The following TBX1 variants were observed in gnomAD, a reference collection of about 807,000 sequenced individuals.
The protein encoded by TBX1 is T-box transcription factor 1.
Under a neutral mutation model 40.8 loss-of-function variants are expected in TBX1, and 16 were observed. The ratio of observed to expected loss-of-function variants is 0.39; its 90% confidence interval spans 0.27 to 0.60. The LOEUF is 0.60. Among genes scored for constraint, TBX1 ranks in the 20% least tolerant of loss-of-function variants. The probability of loss-of-function intolerance (pLI) is 0.51; values close to 1 mark genes in which losing one functional copy is unlikely to be tolerated. For missense variants in TBX1, 755 were observed against 728.5 expected (o/e 1.04, Z -0.42); for synonymous variants, 403 against 336.8 (o/e 1.20, Z -2.15).
chr22:19,766,722 C>G lies in TBX1; in HGVS notation c.1370C>G (p.Pro457Arg), dbSNP rs1252623993. Residue 457 changes from proline to arginine, a missense_variant, in exon 7 of 7, where the codon CCG (proline) becomes CGG (arginine). Pro to Arg is a moderately radical substitution (Grantham distance 103). Around this residue, in one of 3 missense-constraint regions of TBX1, gnomAD observed 412 missense variants for 317.6 expected, o/e 1.30. Transcript: ENST00000649276. ...LPGLRGHGYH[P>R]HAHPHHHHHP... The stretch of plus-strand genomic sequence containing the variant: ...GGCCTGCGTGGCCACGGCTACCACC[C>G]GCACGCGCATCCGCACCACCACCAC... The G allele has an allele frequency of 1.3e-6, 2 of 1,543,036 alleles. No homozygotes were observed. Among genetic ancestry groups the G allele is most frequent in the Admixed American group, 1.8e-5 (1 of 54,320 alleles).
At chr22:19,763,577 T>A (rs1936737326) in intron 2 of TBX1, 1 of 567,996 alleles carries the variant, frequency 1.8e-6, no homozygotes, top group African/African-American at 1.9e-5. Flanking sequence ...CAGCTCTTGC[T>A]CCCCTGGGCT....
upstream of TBX1, chr22:19,759,560 G>A (rs1424894874): frequency 4.6e-5 from 72 of 1,581,582 alleles, no homozygotes; most frequent in East Asian, 1.6e-3. Context: ...GGTTGCAGCG[G>A]AGGCGGCGGA....
chr22:19,783,263 C>T (rs28605486), downstream of TBX1: 3,137 of 524,042 alleles, frequency 6.0e-3, 71 homozygotes, highest in African/African-American at 0.054. Flanking sequence ...GAGATAATGG[C>T]ACCAGGATGA....
intron 3 of TBX1, 60 bp downstream of exon 3, chr22:19,764,386 G>A (rs950624468): frequency 6.9e-6 from 11 of 1,596,782 alleles, no homozygotes; most frequent in Middle Eastern, 1.7e-4. Context: ...CGAGGCACCC[G>A]CCTGTCCCTA....
chr22:19,767,464 C>T (rs1013580034), downstream of TBX1: 14 of 884,140 alleles, frequency 1.6e-5, no homozygotes, highest in East Asian at 1.2e-4. Flanking sequence ...AGGTCGGTCC[C>T]GGTCCCACAG....
intron 6 of TBX1, 169 bp from the exon 7 acceptor site, chr22:19,766,220 G>A (rs1284737515): frequency 2.9e-6 from 3 of 1,038,482 alleles, no homozygotes; most frequent in Non-Finnish European, 2.4e-6. Context: ...GCGGGCCCCG[G>A]GGAGGGCTCG....
At chr22:19,768,338 T>G (rs1936925221), downstream of TBX1, among the ~76,000 whole-genome samples, 1 of 152,164 alleles carries the variant, frequency 6.6e-6, no homozygotes, top group Non-Finnish European at 1.5e-5. Flanking sequence ...GACCTGTTTT[T>G]CGTATACATG....
At chr22:19,781,785 T>C (rs1166526660), downstream of TBX1, among the ~76,000 whole-genome samples, 1 of 152,208 alleles carries the variant, frequency 6.6e-6, no homozygotes, top group African/African-American at 2.4e-5. Context: ...CATCATTTGT[T>C]AAAAAGACAG....
chr22:19,760,559 C>A (rs1241216547), upstream of TBX1, among the ~76,000 whole-genome samples: 1 of 137,382 alleles, frequency 7.3e-6, no homozygotes, highest in Admixed American at 7.1e-5. Flanking sequence ...CCGGTCCGGG[C>A]GGTCGGGGGG....
downstream of TBX1, among the ~76,000 whole-genome samples, chr22:19,768,242 C>T (rs968032819): frequency 6.6e-6 from 1 of 152,212 alleles, no homozygotes; most frequent in Non-Finnish European, 1.5e-5. Context: ...CTAGGCCACT[C>T]GGCTCATCAC....
rs1393720188 is a variant in TBX1, at chr22:19,766,059, C to A, written c.1036+57C>A. Reference sequence around the variant, plus strand: ...GCCCTGTGCGCGCTCTACCCCGGGCCGGCGGCCTCGCCCGACCTCGCCTGC... The same window carrying A: ...GCCCTGTGCGCGCTCTACCCCGGGCAGGCGGCCTCGCCCGACCTCGCCTGC... On this transcript the variant is annotated intron_variant, in intron 6 of 6. Coordinates refer to ENST00000649276, the MANE Select transcript of TBX1 (RefSeq NM_001379200.1). 6 of 1,374,098 alleles carry A rather than the reference C, an allele frequency of 4.4e-6. No homozygotes were observed. The East Asian group carries it at 1.9e-4, about 44-fold the overall frequency. 85.1% of individuals were successfully genotyped at this position (1,374,098 alleles called of 1,614,324 possible). A position where few individuals can be genotyped will look rare whatever the true frequency, so the allele number is the denominator to read the frequency against.
chr22:19,772,597 T>C (rs1463551807), intron 8 of TBX1, among the ~76,000 whole-genome samples: 5 of 152,240 alleles, frequency 3.3e-5, no homozygotes, highest in Non-Finnish European at 7.3e-5. Context: ...ATTACAAGCG[T>C]GAGCCACCGT....
chr22:19,760,747 G>C (rs1936626171), upstream of TBX1, among the ~76,000 whole-genome samples: 1 of 141,058 alleles, frequency 7.1e-6, no homozygotes. Flanking sequence ...GGGGCTGCAC[G>C]GCCCGGGGCG....
intron 8 of TBX1, among the ~76,000 whole-genome samples, chr22:19,777,758 ATTT>A (rs55676186): frequency 3.9e-5 from 5 of 129,738 alleles, no homozygotes; most frequent in Admixed American, 7.9e-5. Context: ...GTTACTCTTA[ATTT>A]TTTTTTTTTT....
At chr22:19,780,399 G>A (rs1455447499), downstream of TBX1, among the ~76,000 whole-genome samples, 1 of 152,208 alleles carries the variant, frequency 6.6e-6, no homozygotes, top group East Asian at 1.9e-4. Context: ...TTAGTTCACT[G>A]AGTGTAAGGA....
Position 19,767,266 on chromosome 22 carries a change from GTAGA to G in TBX1, c.*402_*405del. 6.0e-6 allele frequency: 6 copies of G among 1,001,776 alleles called. 1 individual carries two copies. The South Asian group carries it at 2.8e-4, about 47-fold the overall frequency. 62.1% of individuals were successfully genotyped at this position (1,001,776 alleles called of 1,614,324 possible). On this transcript the variant is annotated 3_prime_UTR_variant, in exon 7 of 7. Transcript: ENST00000649276. ...CCGCCTGCAGGCGGTGTAGATACAT[GTAGA>G]TACTGTAGATACTGTAGATACCGCC... is the stretch of plus-strand genomic sequence containing the variant.
At chr22:19,760,641 G>A (rs1936618799), upstream of TBX1, among the ~76,000 whole-genome samples, 2 of 104,900 alleles carry the variant, frequency 1.9e-5, no homozygotes, top group South Asian at 8.1e-4. Flanking sequence ...AGGGGCGAGG[G>A]CCGGGGGAGG....
In TBX1 at chr22:19,763,291, C is replaced by T; in HGVS notation, c.488C>T (p.Ala163Val). Residue 163 changes from alanine to valine, a missense_variant, in exon 2 of 7, where the codon GCC becomes GTC. Ala to Val is a moderately conservative substitution (Grantham distance 64). Transcript: ENST00000649276. Reference sequence around the variant, plus strand: ...AAGCTCTTCGGCATGGATCCCATGGCCGACTATATGCTGCTCATGGACTTC... The same window carrying T: ...AAGCTCTTCGGCATGGATCCCATGGTCGACTATATGCTGCTCATGGACTTC... ...QVKLFGMDPMADYMLLMDFVP... is the reference protein window; with the variant it reads ...QVKLFGMDPMVDYMLLMDFVP... 6.2e-7 allele frequency: 1 copy of T among 1,614,216 alleles called. No individual in the cohort carries two copies. The highest frequency in any genetic ancestry group is 8.5e-7 in the Non-Finnish European group (1 of 1,180,030).
chr22:19,778,185 C>T (rs1937095894), intron 8 of TBX1, among the ~76,000 whole-genome samples: 1 of 151,348 alleles, frequency 6.6e-6, no homozygotes, highest in Admixed American at 6.6e-5. Context: ...GCCTCAACCT[C>T]CCAGTCTCAA....
Sources: allele counts gnomAD v4.1 joint callset (sites outside exome capture counted in the v4.1 genomes callset), GRCh38; gene constraint gnomAD v4.1.1; regional missense constraint gnomAD v4.1.1; transcripts MANE v1.5; gene names NCBI Gene and HGNC (gene_info 2026-07-23, HGNC 2026-07-21).